GRIN2A: variants seen among roughly 807,000 people sequenced by gnomAD.
GRIN2A encodes glutamate receptor ionotropic, NMDA 2A.
Under a neutral mutation model 113.4 loss-of-function variants are expected in GRIN2A, and 22 were observed. That is an observed-to-expected ratio of 0.19 (90% confidence interval 0.14 to 0.28). GRIN2A has a LOEUF of 0.28. Among genes scored for constraint, GRIN2A ranks in the 10% least tolerant of loss-of-function variants. GRIN2A has a pLI of 1.00. For synonymous variants in GRIN2A, 827 were observed against 738.4 expected, an observed-to-expected ratio of 1.12 and a Z score of -1.94; for missense variants, 1,502 against 1,887.0, an observed-to-expected ratio of 0.80 and a Z score of 3.78.
At chr16:10,040,242 C>A (rs1395897462) in intron 2 of GRIN2A, among the ~76,000 whole-genome samples, 1 of 141,638 alleles carries the variant, frequency 7.1e-6, no homozygotes, top group African/African-American at 2.6e-5. Context: ...CACATTCACA[C>A]CACACACACA....
rs183318139 is a variant in GRIN2A, at chr16:10,100,251, T to C, written c.414+79747A>G. ...AGCAACGGGAAGCCATGAAACCGTT[T>C]TCAGCAGAGAAACAACATGATCGGG... On this transcript the variant is annotated intron_variant, in intron 2 of 12. Transcript: ENST00000330684. Among the ~76,000 whole-genome samples the C allele has an allele frequency of 2.1e-3, 313 of 152,274 alleles. 1 individual carries two copies. Among genetic ancestry groups the C allele is most frequent in the African/African-American group, 7.2e-3 (299 of 41,572 alleles).
intron 7 of GRIN2A, among the ~76,000 whole-genome samples, chr16:9,837,394 A>G (rs11861055): frequency 0.046 from 6,971 of 152,284 alleles, 526 homozygotes; most frequent in African/African-American, 0.16. Context: ...TTTTATGGAA[A>G]TGTTTTACAA....
intron 2 of GRIN2A, among the ~76,000 whole-genome samples, chr16:10,044,008 T>TAC (rs199846027): frequency 3.7e-4 from 21 of 57,078 alleles, no homozygotes; most frequent in African/African-American, 1.3e-3. Context: ...TGTGTGTGTG[T>TAC]ATATATATAT....
In GRIN2A at chr16:10,015,944, C is replaced by T. The variant is rs935167779; in HGVS notation, c.415-77393G>A. Among the ~76,000 whole-genome samples, 5 of 152,040 alleles carry T rather than the reference C, an allele frequency of 3.3e-5. No individual in the cohort carries two copies. The East Asian group carries it at 5.8e-4, about 18-fold the overall frequency. Reference sequence around the variant, plus strand: ...CAGCCTGGCCAACATGATAAAACCCCGTCTCTACTAAAAATACAAAAATTG... The same window carrying T: ...CAGCCTGGCCAACATGATAAAACCCTGTCTCTACTAAAAATACAAAAATTG... On this transcript the variant is annotated intron_variant, in intron 2 of 12. Transcript: ENST00000330684.
intron 2 of GRIN2A, among the ~76,000 whole-genome samples, chr16:10,034,209 G>A (rs2046981938): frequency 6.6e-6 from 1 of 152,028 alleles, no homozygotes; most frequent in African/African-American, 2.4e-5. Flanking sequence ...CAGTGATCAG[G>A]GAAGCTTAGC....
At chr16:10,139,093 C>T (rs541231129) in intron 2 of GRIN2A, among the ~76,000 whole-genome samples, 4 of 152,166 alleles carry the variant, frequency 2.6e-5, no homozygotes, top group East Asian at 1.9e-4. Context: ...GGAGACAGCA[C>T]GGATCAAGCC....
At chr16:10,117,744 A>T (rs2142168824) in intron 2 of GRIN2A, among the ~76,000 whole-genome samples, 1 of 152,324 alleles carries the variant, frequency 6.6e-6, no homozygotes, top group Non-Finnish European at 1.5e-5. Context: ...CTTAACAGAG[A>T]TTGATTACAT....
At chr16:10,056,000 G>C (rs2141996832) in intron 2 of GRIN2A, among the ~76,000 whole-genome samples, 1 of 152,192 alleles carries the variant, frequency 6.6e-6, no homozygotes, top group Non-Finnish European at 1.5e-5. Context: ...GCTGGATATT[G>C]CACCAAATGA....
At chr16:9,937,690 A>C in intron 3 of GRIN2A, 2 of 491,790 alleles carry the variant, frequency 4.1e-6, no homozygotes, top group Non-Finnish European at 7.4e-6. Flanking sequence ...ATAGACAGAC[A>C]GACAGATCGA....
intron 8 of GRIN2A, among the ~76,000 whole-genome samples, chr16:9,833,560 GT>G (rs1053640515): frequency 6.6e-6 from 1 of 152,104 alleles, no homozygotes; most frequent in African/African-American, 2.4e-5. Flanking sequence ...AACATCAGTG[GT>G]TTTCACCTAA....
At chr16:9,775,650 G>C (rs986378283) in intron 11 of GRIN2A, among the ~76,000 whole-genome samples, 1 of 152,234 alleles carries the variant, frequency 6.6e-6, no homozygotes, top group Non-Finnish European at 1.5e-5. Flanking sequence ...GGAGCCCGAA[G>C]AGTAGAAGCC....
chr16:9,760,172 T>A lies in GRIN2A; in HGVS notation c.*2977A>T, dbSNP rs956762590. 8.8e-6 allele frequency: 2 copies of A among 226,334 alleles called. No individual in the cohort carries two copies. Among genetic ancestry groups the A allele is most frequent in the Non-Finnish European group, 1.8e-5 (2 of 113,842 alleles). The allele number at this position is 226,334 out of a possible 1,614,324, so 14.0% of individuals were successfully genotyped here. A position where few individuals can be genotyped will look rare whatever the true frequency, so the allele number is the denominator to read the frequency against. On this transcript the variant is annotated 3_prime_UTR_variant, in exon 13 of 13. Transcript: ENST00000330684. ...CTAAGAACTCAGAGCTGGGATATGT[T>A]ACGGGAATCTTCTGTGATAGATCTA... is the stretch of plus-strand genomic sequence containing the variant.
chr16:9,951,274 C>T (rs1188987015), intron 2 of GRIN2A, among the ~76,000 whole-genome samples: 1 of 152,200 alleles, frequency 6.6e-6, no homozygotes, highest in Admixed American at 6.5e-5. Context: ...TCGCAAATCA[C>T]TCCCCCCACT....
intron 2 of GRIN2A, 84 bp downstream of exon 2, chr16:10,179,914 C>G: frequency 1.8e-6 from 1 of 566,906 alleles, no homozygotes; most frequent in Non-Finnish European, 3.2e-6. Context: ...AAGACAGATT[C>G]TAGGGGCGTC....
chr16:10,022,236 T>C (rs556290404), intron 2 of GRIN2A, among the ~76,000 whole-genome samples: 23 of 152,296 alleles, frequency 1.5e-4, no homozygotes, highest in African/African-American at 4.3e-4. Flanking sequence ...ATGCAAGCCT[T>C]GATTTCCAGC....
At chr16:9,947,672 A>T (rs552507855) in intron 2 of GRIN2A, among the ~76,000 whole-genome samples, 2 of 152,190 alleles carry the variant, frequency 1.3e-5, no homozygotes, top group South Asian at 2.1e-4. Flanking sequence ...TGTTCCTGTT[A>T]TCAAAGGCAC....
At chr16:10,081,157 G>A (rs1394196507) in intron 2 of GRIN2A, among the ~76,000 whole-genome samples, 2 of 152,134 alleles carry the variant, frequency 1.3e-5, no homozygotes, top group Non-Finnish European at 2.9e-5. Flanking sequence ...TACATGCTTC[G>A]TCCTGAGGTT....
intron 2 of GRIN2A, among the ~76,000 whole-genome samples, chr16:10,036,143 C>T (rs2047021147): frequency 1.3e-5 from 2 of 152,208 alleles, no homozygotes; most frequent in African/African-American, 2.4e-5. Flanking sequence ...AGGGGTTTTT[C>T]TGAAATTCAC....
At chr16:9,801,665 A>G (rs1177449591) in intron 10 of GRIN2A, among the ~76,000 whole-genome samples, 1 of 152,254 alleles carries the variant, frequency 6.6e-6, no homozygotes, top group African/African-American at 2.4e-5. Flanking sequence ...CAAAGTTTAT[A>G]AAAGCACAAT....
Sources: allele counts gnomAD v4.1 joint callset (sites outside exome capture counted in the v4.1 genomes callset), GRCh38; gene constraint gnomAD v4.1.1; transcripts MANE v1.5; gene names NCBI Gene and HGNC (gene_info 2026-07-23, HGNC 2026-07-21).